SLC12A8: variants seen among roughly 807,000 people sequenced by gnomAD.
SLC12A8 encodes the protein solute carrier family 12 member 8, also known as cation-chloride cotransporter 9.
Under a neutral mutation model 75.6 loss-of-function variants are expected in SLC12A8, and 69 were observed. That is an observed-to-expected ratio of 0.91 (90% CI 0.75 to 1.11). SLC12A8 has a LOEUF of 1.11. SLC12A8 is among the 50% of genes most tolerant of loss of function. The pLI is 0.00. For synonymous variants in SLC12A8, 365 were observed against 372.8 expected (o/e 0.98, Z 0.24); for missense variants, 877 against 896.7 (o/e 0.98, Z 0.28).
chr3:125,145,376 T>C (rs1472694973), intron 5 of SLC12A8, among the ~76,000 whole-genome samples: 1 of 152,072 alleles, frequency 6.6e-6, no homozygotes, highest in Non-Finnish European at 1.5e-5. Context: ...ACATTAATAA[T>C]AACAAACAAT....
intron 8 of SLC12A8, among the ~76,000 whole-genome samples, chr3:125,113,366 T>C (rs771816140): frequency 3.0e-4 from 46 of 152,358 alleles, no homozygotes; most frequent in Middle Eastern, 3.4e-3. Context: ...CTGAGTAATA[T>C]ATGAAATGTT....
intron 5 of SLC12A8, among the ~76,000 whole-genome samples, chr3:125,175,212 T>C (rs524325): frequency 0.96 from 145,645 of 152,320 alleles, 69,811 homozygotes; most frequent in Non-Finnish European, 0.99. Context: ...GAAAGATAGT[T>C]GCTATTATGC....
intron 2 of SLC12A8, among the ~76,000 whole-genome samples, chr3:125,193,416 T>G (rs1445826349): frequency 1.3e-5 from 2 of 152,166 alleles, no homozygotes; most frequent in Non-Finnish European, 2.9e-5. Flanking sequence ...TTCTCACAGA[T>G]CCCTTGTCCA....
chr3:125,159,603 A>T (rs1490945601), intron 5 of SLC12A8, among the ~76,000 whole-genome samples: 1 of 152,222 alleles, frequency 6.6e-6, no homozygotes, highest in East Asian at 1.9e-4. Context: ...TGGCAGCACC[A>T]GGTATTTCTG....
intron 5 of SLC12A8, among the ~76,000 whole-genome samples, chr3:125,148,686 C>A (rs1256537112): frequency 6.6e-6 from 1 of 152,200 alleles, no homozygotes; most frequent in African/African-American, 2.4e-5. Flanking sequence ...AGAGCCCACT[C>A]TCTGCATGCC....
At chr3:125,085,075 T>C (rs1320194387) in intron 13 of SLC12A8, among the ~76,000 whole-genome samples, 1 of 152,232 alleles carries the variant, frequency 6.6e-6, no homozygotes, top group African/African-American at 2.4e-5. Flanking sequence ...ATCACATGAC[T>C]ATGGCATTAC....
intron 2 of SLC12A8, chr3:125,206,747 G>A (rs1385701900): frequency 6.6e-6 from 1 of 152,232 alleles, no homozygotes; most frequent in East Asian, 1.9e-4. Flanking sequence ...TGCTTCCAGG[G>A]AGGCCTCAGG....
At chr3:125,180,222 G>A (rs1199990891) in intron 4 of SLC12A8, among the ~76,000 whole-genome samples, 3 of 152,214 alleles carry the variant, frequency 2.0e-5, no homozygotes, top group African/African-American at 7.2e-5. Flanking sequence ...CAGGAGGCTT[G>A]TAAGGGCATG....
chr3:125,196,030 T>A (rs1935004114), intron 2 of SLC12A8, among the ~76,000 whole-genome samples: 1 of 152,210 alleles, frequency 6.6e-6, no homozygotes, highest in Non-Finnish European at 1.5e-5. Flanking sequence ...GCAAAAAGGT[T>A]ATCATTCCAG....
At chr3:125,107,289 T>G (rs1480020305) in intron 10 of SLC12A8, among the ~76,000 whole-genome samples, 192 bp downstream of exon 10, 2 of 152,232 alleles carry the variant, frequency 1.3e-5, no homozygotes, top group Non-Finnish European at 2.9e-5. Flanking sequence ...CTGTTTAAAA[T>G]TAACTATCTA....
chr3:125,110,837 T>G (rs1028581950), intron 8 of SLC12A8: 1 of 152,738 alleles, frequency 6.5e-6, no homozygotes, highest in Non-Finnish European at 1.5e-5. Context: ...CCACAATGTC[T>G]CCGTTGCAGA....
intron 8 of SLC12A8, among the ~76,000 whole-genome samples, chr3:125,113,828 GCT>G (rs199854323): frequency 0.02 from 2,998 of 152,090 alleles, 41 homozygotes; most frequent in Non-Finnish European, 0.029. Context: ...CCATCTCTCT[GCT>G]CTTAGTATTT....
chr3:125,167,030 T>C, intron 5 of SLC12A8, among the ~76,000 whole-genome samples: 1 of 152,192 alleles, frequency 6.6e-6, no homozygotes, highest in Non-Finnish European at 1.5e-5. Flanking sequence ...ATTTTTATGT[T>C]AAATAGAGCT....
chr3:125,177,797 G>T lies in SLC12A8; in HGVS notation c.568C>A (p.Leu190Met), dbSNP rs530506567. Reference protein sequence around the residue: ...IRLQLLLLFLLAVSTLDFVVG... With the variant: ...IRLQLLLLFLMAVSTLDFVVG... ...ACAAAGTCCAGTGTGGACACGGCCA[G>T]CAGGAACAGCAACAGCAGCTGGAGG... The change falls in exon 5 of 14, where the codon CTG (leucine) becomes ATG (methionine). Residue 190 changes from leucine to methionine, a missense_variant. Leu to Met is a conservative substitution (Grantham distance 15). Coordinates refer to ENST00000469902, the MANE Select transcript of SLC12A8 (RefSeq NM_024628.6). The T allele has an allele frequency of 1.2e-6, 2 of 1,614,230 alleles. No individual in the cohort carries two copies. The highest frequency in any genetic ancestry group is 1.7e-6 in the Non-Finnish European group (2 of 1,180,038).
chr3:125,112,860 G>T (rs996993097), intron 8 of SLC12A8, among the ~76,000 whole-genome samples: 1 of 152,226 alleles, frequency 6.6e-6, no homozygotes. Context: ...ACACAGACGT[G>T]GTTGAGTTTA....
At chr3:125,109,224 C>G (rs1182153314) in intron 9 of SLC12A8, among the ~76,000 whole-genome samples, 3 of 152,192 alleles carry the variant, frequency 2.0e-5, no homozygotes, top group Non-Finnish European at 4.4e-5. Context: ...ATCCTCAGAT[C>G]TCTATCTGTA....
intron 1 of SLC12A8, 22 bp downstream of exon 1, chr3:125,212,678 C>T (rs1345448478): frequency 1.3e-5 from 2 of 152,550 alleles, no homozygotes; most frequent in Non-Finnish European, 2.9e-5. Context: ...CTCTCCACCC[C>T]CCACAGCCCT....
intron 5 of SLC12A8, among the ~76,000 whole-genome samples, chr3:125,155,735 A>T (rs1934034674): frequency 7.1e-6 from 1 of 141,622 alleles, no homozygotes; most frequent in African/African-American, 2.7e-5. Context: ...TGGGTGACAC[A>T]GCGAGACTCT....
At chr3:125,116,123 C>T (rs943584654) in intron 8 of SLC12A8, among the ~76,000 whole-genome samples, 4 of 152,198 alleles carry the variant, frequency 2.6e-5, no homozygotes, top group African/African-American at 9.6e-5. Context: ...AGCAGGAAAG[C>T]AGAAAAGGTG....
Sources: gnomAD v4.1 joint callset for allele counts (sites outside exome capture counted in the v4.1 genomes callset) on GRCh38, gnomAD v4.1.1 for gene constraint, MANE v1.5 for transcripts, NCBI Gene and HGNC (gene_info 2026-07-23, HGNC 2026-07-21) for gene names.